The following DRC1 variants were observed in gnomAD, a reference collection of about 807,000 sequenced individuals.
DRC1 encodes dynein regulatory complex subunit 1.
In DRC1, 74 loss-of-function variants were observed where a neutral mutation model predicts 98.7. That is an observed-to-expected ratio of 0.75 (90% confidence interval 0.62 to 0.91). DRC1 has a LOEUF of 0.91. Ranked by LOEUF, DRC1 falls within the 40% of genes least tolerant of loss-of-function variation. The pLI is 0.00. For synonymous variants in DRC1, 336 were observed against 334.1 expected (o/e 1.01, Z -0.06); for missense variants, 875 against 886.0 (o/e 0.99, Z 0.16).
intron 9 of DRC1, 134 bp from the exon 10 acceptor site, chr2:26,444,582 T>C: frequency 1.9e-6 from 2 of 1,047,440 alleles, no homozygotes; most frequent in Non-Finnish European, 2.7e-6. Flanking sequence ...TAAGTGGGAA[T>C]CAGCCGCCCA....
At chr2:26,404,851 C>T (rs1280179119) in intron 1 of DRC1, among the ~76,000 whole-genome samples, 1 of 152,178 alleles carries the variant, frequency 6.6e-6, no homozygotes, top group Non-Finnish European at 1.5e-5. Context: ...AGGACTTTGC[C>T]TCCCCTGTGT....
chr2:26,430,940 T>A lies in DRC1; in HGVS notation c.765+68T>A, dbSNP rs1174139392. 6 of 1,205,666 alleles carry A rather than the reference T, an allele frequency of 5.0e-6. No homozygotes were observed. The African/African-American group carries it at 6.3e-5, about 13-fold the overall frequency. 74.7% of individuals were successfully genotyped at this position (1,205,666 alleles called of 1,614,324 possible). A position where few individuals can be genotyped will look rare whatever the true frequency, so the allele number is the denominator to read the frequency against. ...TGATTTTTATTGTGACTGAATTTGC[T>A]AGCTAGCCTTTTTCTATCTTTTTTT... is the stretch of plus-strand genomic sequence containing the variant. On this transcript the variant is annotated intron_variant, in intron 6 of 16. Coordinates refer to ENST00000288710, the MANE Select transcript of DRC1 (RefSeq NM_145038.5).
intron 7 of DRC1, 51 bp downstream of exon 7, chr2:26,432,057 A>G (rs939578573): frequency 2.5e-6 from 4 of 1,587,412 alleles, no homozygotes; most frequent in African/African-American, 2.7e-5. Flanking sequence ...GCAGATGGTG[A>G]ACACCTGTGA....
intron 7 of DRC1, among the ~76,000 whole-genome samples, chr2:26,433,634 G>C (rs985879553): frequency 6.6e-6 from 1 of 152,186 alleles, no homozygotes; most frequent in Non-Finnish European, 1.5e-5. Context: ...GGAATTTCAT[G>C]TCCTTAATCC....
At chr2:26,428,112 C>T (rs889836149) in intron 4 of DRC1, among the ~76,000 whole-genome samples, 2 of 152,162 alleles carry the variant, frequency 1.3e-5, no homozygotes, top group African/African-American at 4.8e-5. Context: ...TTTAGTTTTT[C>T]TGCATATAAG....
Position 26,421,273 on chromosome 2 carries a change from T to TA in DRC1, c.244-14dup. 1 of 1,609,646 alleles carries TA rather than the reference T, an allele frequency of 6.2e-7. No homozygotes were observed. The highest frequency in any genetic ancestry group is 8.5e-7 in the Non-Finnish European group (1 of 1,177,266). On this transcript the variant is annotated splice_polypyrimidine_tract_variant and intron_variant, in intron 2 of 16. Coordinates refer to ENST00000288710, the MANE Select transcript of DRC1 (RefSeq NM_145038.5). The stretch of plus-strand genomic sequence containing the variant: ...AGTGTTCTAGCTTTGTAAATTCTTA[T>TA]ATCTCTCTTTTTAGAAATTGGCTAA...
chr2:26,406,424 T>C (rs1369969241), intron 1 of DRC1, among the ~76,000 whole-genome samples: 4 of 152,030 alleles, frequency 2.6e-5, no homozygotes, highest in African/African-American at 9.7e-5. Context: ...ATATAAAGAG[T>C]ACAGCCGGGC....
intron 10 of DRC1, among the ~76,000 whole-genome samples, chr2:26,447,043 T>C (rs903660686): frequency 6.6e-6 from 1 of 150,680 alleles, no homozygotes; most frequent in Non-Finnish European, 1.5e-5. Context: ...TGAGCCAAGA[T>C]TGCACCACTG....
At chr2:26,453,256 CCTCT>C in intron 13 of DRC1, 60 bp from the exon 14 acceptor site, 25 of 1,569,276 alleles carry the variant, frequency 1.6e-5, no homozygotes, top group Non-Finnish European at 2.2e-5. Context: ...CTTCTTCCTG[CCTCT>C]CTCTCCATGC....
At chr2:26,418,814 T>C (rs1678942995) in intron 2 of DRC1, among the ~76,000 whole-genome samples, 1 of 135,028 alleles carries the variant, frequency 7.4e-6, no homozygotes, top group Non-Finnish European at 1.5e-5. Context: ...TAATATATTG[T>C]ATAGTATATA....
chr2:26,407,759 C>G (rs985632631), intron 1 of DRC1, among the ~76,000 whole-genome samples: 1 of 151,936 alleles, frequency 6.6e-6, no homozygotes, highest in Non-Finnish European at 1.5e-5. Context: ...GGACCGGTTC[C>G]CTGAGACTGC....
At chr2:26,407,714 C>T (rs561338069) in intron 1 of DRC1, among the ~76,000 whole-genome samples, 123 of 152,268 alleles carry the variant, frequency 8.1e-4, no homozygotes, top group African/African-American at 2.9e-3. Context: ...CCACAGAGAC[C>T]TCTTCCTGGA....
At chr2:26,420,581 G>T (rs1663108427) in intron 2 of DRC1, among the ~76,000 whole-genome samples, 1 of 152,110 alleles carries the variant, frequency 6.6e-6, no homozygotes, top group African/African-American at 2.4e-5. Flanking sequence ...AAAGTACATT[G>T]AGAACTGCAG....
chr2:26,427,564 T>G (rs1663319071), intron 4 of DRC1, among the ~76,000 whole-genome samples: 1 of 152,202 alleles, frequency 6.6e-6, no homozygotes, highest in Non-Finnish European at 1.5e-5. Context: ...ATCATTTCTT[T>G]GTGTTGCAAA....
intron 5 of DRC1, chr2:26,430,489 GA>G (rs1398996706): frequency 3.8e-6 from 2 of 524,224 alleles, no homozygotes; most frequent in Non-Finnish European, 3.8e-6. Context: ...CCTGCCGTGT[GA>G]CTGCCAACAG....
intron 16 of DRC1, among the ~76,000 whole-genome samples, chr2:26,456,131 T>C (rs565935852): frequency 5.3e-5 from 8 of 152,096 alleles, no homozygotes; most frequent in Non-Finnish European, 1.0e-4. Context: ...TGCTACTGTA[T>C]ACAAGAGGCT....
At chr2:26,447,079 G>A (rs1033744056) in intron 10 of DRC1, among the ~76,000 whole-genome samples, 2 of 150,204 alleles carry the variant, frequency 1.3e-5, no homozygotes, top group South Asian at 2.1e-4. Flanking sequence ...AACAGAGTGA[G>A]CCTCTTTCTC....
chr2:26,432,281 G>A (rs1411671142), intron 7 of DRC1, among the ~76,000 whole-genome samples: 1 of 152,126 alleles, frequency 6.6e-6, no homozygotes, highest in African/African-American at 2.4e-5. Context: ...AGGATCGCTT[G>A]AGCCCCGGAG....
At chr2:26,432,922 T>G (rs1663473206) in intron 7 of DRC1, among the ~76,000 whole-genome samples, 2 of 152,248 alleles carry the variant, frequency 1.3e-5, no homozygotes, top group African/African-American at 4.8e-5. Context: ...CTCAAAAGCC[T>G]ATATTCTTCC....
Sources: allele counts gnomAD v4.1 joint callset (sites outside exome capture counted in the v4.1 genomes callset), GRCh38; gene constraint gnomAD v4.1.1; transcripts MANE v1.5; gene names NCBI Gene and HGNC (gene_info 2026-07-23, HGNC 2026-07-21).